The following PHC2 variants were observed in gnomAD, a reference collection of about 807,000 sequenced individuals.
PHC2 encodes the protein polyhomeotic-like protein 2.
Under a neutral mutation model 87.4 loss-of-function variants are expected in PHC2, and 29 were observed. The observed-to-expected ratio is 0.33, with a 90% CI of 0.25 to 0.45. The LOEUF (loss-of-function observed/expected upper bound fraction) is 0.45. Among genes scored for constraint, PHC2 ranks in the 20% least tolerant of loss-of-function variants. The pLI, the probability that PHC2 is intolerant of heterozygous loss-of-function variation, is 1.00. For synonymous variants in PHC2, 438 were observed against 461.7 expected (o/e 0.95, Z 0.66); for missense variants, 857 against 1,136.7 (o/e 0.75, Z 3.54).
chr1:33,347,786 G>A, intron 9 of PHC2: 1 of 959,120 alleles, frequency 1.0e-6, no homozygotes, highest in Non-Finnish European at 1.2e-6. Flanking sequence ...TGCCTGGAAA[G>A]GGCAGGTGCC....
rs933664512 is a variant in PHC2, at chr1:33,349,516, G to T, written c.1558+4885C>A. 1.1e-5 allele frequency: 11 copies of T among 982,626 alleles called. No individual in the cohort carries two copies. In the African/African-American group the frequency reaches 1.7e-4, roughly 16 times the overall value. The allele number at this position is 982,626 out of a possible 1,614,324, so 60.9% of individuals were successfully genotyped here. The stretch of plus-strand genomic sequence containing the variant: ...GCCCGGGCCGTTAGGGGCACCGAGG[G>T]CGGTGCCCGACTTCCAGTGCGGCGA... On this transcript the variant is annotated intron_variant, in intron 9 of 14. Coordinates refer to ENST00000683057, the MANE Select transcript of PHC2 (RefSeq NM_001385109.1). The surrounding 1 kb of genome is among the most constrained non-coding windows in gnomAD (Gnocchi z 4.2).
intron 1 of PHC2, among the ~76,000 whole-genome samples, chr1:33,377,915 C>T (rs1648267275): frequency 6.6e-6 from 1 of 152,144 alleles, no homozygotes; most frequent in African/African-American, 2.4e-5. Context: ...ACCCAAGCCA[C>T]TCCCAGGTGG....
At chr1:33,401,706 C>T (rs751416804) in intron 1 of PHC2, among the ~76,000 whole-genome samples, 1 of 152,042 alleles carries the variant, frequency 6.6e-6, no homozygotes, top group Non-Finnish European at 1.5e-5. Context: ...CAAAATAGAC[C>T]CACACATTTA....
chr1:33,360,507 T>G (rs1432973528), intron 7 of PHC2, among the ~76,000 whole-genome samples: 1 of 152,258 alleles, frequency 6.6e-6, no homozygotes, highest in African/African-American at 2.4e-5. Flanking sequence ...TCTCTGTATC[T>G]TGACTTGCTG....
intron 12 of PHC2, among the ~76,000 whole-genome samples, chr1:33,330,836 C>T (rs999430608): frequency 2.0e-5 from 3 of 152,196 alleles, no homozygotes; most frequent in African/African-American, 7.2e-5. Flanking sequence ...ACTTTGGCTT[C>T]CTAACCTGTA....
Position 33,364,694 on chromosome 1 carries a change from G to T in PHC2, c.976+2422C>A, listed in dbSNP as rs972476621. Among the ~76,000 whole-genome samples the T allele has an allele frequency of 6.6e-6, 1 of 152,222 alleles. No individual in the cohort carries two copies. The highest frequency in any genetic ancestry group is 2.4e-5 in the African/African-American group (1 of 41,456). ...GCGCCATCTCTGGGCTTACAGAGAG[G>T]AAGGGGTGGGAGAGAGGAAGAATGA... On this transcript the variant is annotated intron_variant, in intron 7 of 14. Coordinates refer to ENST00000683057, the MANE Select transcript of PHC2 (RefSeq NM_001385109.1). The surrounding 1 kb of genome is among the most constrained non-coding windows in gnomAD (Gnocchi z 4.1).
chr1:33,386,066 G>C (rs1648729452), intron 1 of PHC2, among the ~76,000 whole-genome samples: 1 of 151,744 alleles, frequency 6.6e-6, no homozygotes, highest in Admixed American at 6.6e-5. Flanking sequence ...CAAAGTGCTG[G>C]GATTACAGGC....
intron 1 of PHC2, among the ~76,000 whole-genome samples, chr1:33,406,965 T>C (rs1010213035): frequency 6.6e-6 from 1 of 152,230 alleles, no homozygotes; most frequent in Non-Finnish European, 1.5e-5. Context: ...GCATATGATC[T>C]ATCATTTTCT....
chr1:33,338,605 T>A (rs867998127), intron 9 of PHC2, among the ~76,000 whole-genome samples: 12 of 152,242 alleles, frequency 7.9e-5, no homozygotes, highest in African/African-American at 2.7e-4. Context: ...TCTCCCAGAC[T>A]GCTTTGCGGC....
At position 33,370,433 on chromosome 1, in the gene PHC2, CAGAT is replaced by C; in HGVS notation, c.560_563del (p.Tyr187Ter). On this transcript the variant is annotated frameshift_variant, in exon 5 of 15. Transcript: ENST00000683057. LOFTEE classifies it high-confidence loss of function. ...CATGGGTACTCACCATCTGTGCCCTCAGATACATCTGTGCTTGGCTTGCAGTCAG... is the reference window on the plus strand; with the variant it reads ...CATGGGTACTCACCATCTGTGCCCTCACATCTGTGCTTGGCTTGCAGTCAG... The C allele has an allele frequency of 6.2e-7, 1 of 1,613,764 alleles. No individual in the cohort carries two copies. The highest frequency in any genetic ancestry group is 8.5e-7 in the Non-Finnish European group (1 of 1,179,730).
chr1:33,350,606 G>A (rs540055966), intron 9 of PHC2, among the ~76,000 whole-genome samples: 1 of 152,362 alleles, frequency 6.6e-6, no homozygotes, highest in East Asian at 1.9e-4. Flanking sequence ...GAAGGTGCTG[G>A]ACACACGCCA....
In PHC2 at chr1:33,347,397, T is replaced by C. The variant is rs997122507; in HGVS notation, c.1558+7004A>G. ...AAGGAAAAGGGGCTGGAGGTCCTTCTTTACTTAGAGGGAAGAGTAAATAAT... is the reference window on the plus strand; with the variant it reads ...AAGGAAAAGGGGCTGGAGGTCCTTCCTTACTTAGAGGGAAGAGTAAATAAT... On this transcript the variant is annotated intron_variant, in intron 9 of 14. Transcript: ENST00000683057. 7.1e-6 allele frequency: 7 copies of C among 985,244 alleles called. No individual in the cohort carries two copies. In the African/African-American group the frequency reaches 8.7e-5, roughly 12 times the overall value. 61.0% of individuals were successfully genotyped at this position (985,244 alleles called of 1,614,324 possible).
At chr1:33,325,920 A>G in intron 14 of PHC2, 2 of 456,664 alleles carry the variant, frequency 4.4e-6, no homozygotes, top group Non-Finnish European at 8.8e-6. Flanking sequence ...GAGAGACTGT[A>G]TATAGAAGTC....
intron 10 of PHC2, chr1:33,333,656 C>T (rs147443890): frequency 2.3e-5 from 4 of 177,122 alleles, no homozygotes; most frequent in Non-Finnish European, 4.7e-5. Context: ...TTCTGATACA[C>T]GTATCTGGAG....
chr1:33,358,075 A>C (rs1445764218), intron 7 of PHC2, among the ~76,000 whole-genome samples: 3 of 152,170 alleles, frequency 2.0e-5, no homozygotes, highest in African/African-American at 7.2e-5. Context: ...TGATCACATA[A>C]ATCTCTTCCA....
intron 9 of PHC2, among the ~76,000 whole-genome samples, chr1:33,337,796 A>G (rs181644963): frequency 5.9e-5 from 9 of 152,328 alleles, no homozygotes; most frequent in Admixed American, 3.3e-4. Flanking sequence ...ACATCTTTTA[A>G]CATCAGGTAC....
chr1:33,343,112 T>C (rs1646776577), intron 9 of PHC2, among the ~76,000 whole-genome samples: 1 of 152,144 alleles, frequency 6.6e-6, no homozygotes, highest in Non-Finnish European at 1.5e-5. Context: ...GTAAAATGCC[T>C]GGCACTGAAT....
chr1:33,388,318 A>ATTTTT, intron 1 of PHC2, among the ~76,000 whole-genome samples: 1 of 126,140 alleles, frequency 7.9e-6, no homozygotes, highest in Non-Finnish European at 1.7e-5. Flanking sequence ...AATGACAGCA[A>ATTTTT]TTTTTTTTTT....
intron 7 of PHC2, among the ~76,000 whole-genome samples, chr1:33,362,439 G>A (rs368446378): frequency 9.2e-5 from 14 of 152,188 alleles, no homozygotes; most frequent in African/African-American, 2.9e-4. Context: ...AAACTTGTAT[G>A]CAGTGGGGTG....
Sources: allele counts gnomAD v4.1 joint callset (sites outside exome capture counted in the v4.1 genomes callset), GRCh38; gene constraint gnomAD v4.1.1; non-coding constraint Gnocchi (gnomAD v3.1); transcripts MANE v1.5; gene names NCBI Gene and HGNC (gene_info 2026-07-23, HGNC 2026-07-21).